TIAM1: variants seen among roughly 807,000 people sequenced by gnomAD.
The protein encoded by TIAM1 is TIAM Rac1 associated GEF 1.
TIAM1 carries 65 observed loss-of-function variants against 163.5 expected under a neutral mutation model. That is an observed-to-expected ratio of 0.40 (90% CI 0.33 to 0.49). The LOEUF is 0.49. Ranked by LOEUF, TIAM1 falls within the 20% of genes least tolerant of loss-of-function variation. The pLI is 0.77. For synonymous variants in TIAM1, 833 were observed against 810.1 expected (o/e 1.03, Z -0.48); for missense variants, 1,789 against 2,044.7 (o/e 0.87, Z 2.41).
chr21:31,144,336 T>C (rs1419075244), intron 20 of TIAM1, among the ~76,000 whole-genome samples: 1 of 152,214 alleles, frequency 6.6e-6, no homozygotes, highest in Non-Finnish European at 1.5e-5. Flanking sequence ...CAAAATATTC[T>C]CGTCCAAAAA....
chr21:31,542,691 T>C (rs2048359782), intron 1 of TIAM1, among the ~76,000 whole-genome samples: 1 of 151,780 alleles, frequency 6.6e-6, no homozygotes, highest in African/African-American at 2.4e-5. Flanking sequence ...AGGTCCACGG[T>C]TGGGCACAGT....
intron 15 of TIAM1, among the ~76,000 whole-genome samples, chr21:31,165,290 T>C (rs2084155052): frequency 6.6e-6 from 1 of 152,198 alleles, no homozygotes; most frequent in African/African-American, 2.4e-5. Flanking sequence ...TAATAGTTGT[T>C]GTGGATTGAA....
At position 31,250,799 on chromosome 21, in the gene TIAM1, T is replaced by A. The variant is rs139027757; in HGVS notation, c.1411+943A>T. On this transcript the variant is annotated intron_variant, in intron 5 of 27. Coordinates refer to ENST00000541036, the MANE Select transcript of TIAM1 (RefSeq NM_001353694.2). ...TATTACATTTTCTAGGCTACCAGGA[T>A]GTATGCAGTACGTGCAACAATACGT... 3.7e-4 allele frequency among the ~76,000 whole-genome samples: 56 copies of A among 152,344 alleles called. No homozygotes were observed. The East Asian group carries it at 9.5e-3, about 26-fold the overall frequency.
chr21:31,150,200 T>A (rs906782160), intron 19 of TIAM1, among the ~76,000 whole-genome samples: 2 of 152,268 alleles, frequency 1.3e-5, no homozygotes, highest in Admixed American at 6.5e-5. Context: ...CTATAATATA[T>A]ACATATATAT....
intron 2 of TIAM1, among the ~76,000 whole-genome samples, chr21:31,430,114 G>T (rs1279655852): frequency 3.3e-5 from 5 of 151,518 alleles, no homozygotes; most frequent in Admixed American, 6.6e-5. Context: ...GCTGAGGCAG[G>T]AGAATCGCTT....
intron 1 of TIAM1, among the ~76,000 whole-genome samples, chr21:31,522,519 AAAC>A (rs976543671): frequency 6.6e-6 from 1 of 151,808 alleles, no homozygotes; most frequent in Non-Finnish European, 1.5e-5. Context: ...CCAAAAAAAA[AAAC>A]AAAAACAAAA....
At chr21:31,371,283 G>A (rs1480351848) in intron 2 of TIAM1, among the ~76,000 whole-genome samples, 1 of 152,208 alleles carries the variant, frequency 6.6e-6, no homozygotes, top group Admixed American at 6.5e-5. Context: ...TCAGGCAACA[G>A]GACTGGCTCC....
chr21:31,306,656 G>A (rs1195589226), intron 2 of TIAM1, among the ~76,000 whole-genome samples: 2 of 152,184 alleles, frequency 1.3e-5, no homozygotes, highest in African/African-American at 2.4e-5. Context: ...GGAGTGAATC[G>A]TGAGAAAACA....
chr21:31,375,109 T>C (rs748633902), intron 2 of TIAM1, among the ~76,000 whole-genome samples: 5 of 152,224 alleles, frequency 3.3e-5, no homozygotes, highest in Non-Finnish European at 2.9e-5. Flanking sequence ...ATATACCCAC[T>C]TTTGAACTCT....
At chr21:31,449,905 G>C (rs1203501816) in intron 2 of TIAM1, among the ~76,000 whole-genome samples, 1 of 152,168 alleles carries the variant, frequency 6.6e-6, no homozygotes, top group Non-Finnish European at 1.5e-5. Context: ...AACTGAATTA[G>C]GCAGAAAAGC....
chr21:31,275,030 G>A (rs960283332), intron 3 of TIAM1, among the ~76,000 whole-genome samples: 2 of 151,602 alleles, frequency 1.3e-5, no homozygotes, highest in Non-Finnish European at 2.9e-5. Context: ...GCTGAGGCAC[G>A]AGAATCTCTT....
Position 31,124,620 on chromosome 21 carries a change from A to G in TIAM1, c.4208T>C (p.Leu1403Pro). 1 of 1,613,862 alleles carries G rather than the reference A, an allele frequency of 6.2e-7. No individual in the cohort carries two copies. Among genetic ancestry groups the G allele is most frequent in the Admixed American group, 1.7e-5 (1 of 60,008 alleles). Residue 1403 changes from leucine (L) to proline (P), a missense_variant, in exon 27 of 28, where the codon CTC (leucine) becomes CCC (proline). Leu to Pro is a moderately conservative substitution (Grantham distance 98). Transcript: ENST00000541036. ...GGATGAGGGAAGGCTCTCGGTTTTG[A>G]GGAGCTGTCTTCTGTGCTTATCACG... ...ILRDKHRRQL[L>P]KTESLPSSQQ...
intron 3 of TIAM1, among the ~76,000 whole-genome samples, chr21:31,270,766 T>C (rs1165397712): frequency 3.9e-5 from 6 of 152,204 alleles, no homozygotes; most frequent in Non-Finnish European, 8.8e-5. Flanking sequence ...TGTTAGTGTA[T>C]CTTATGTGTG....
intron 6 of TIAM1, among the ~76,000 whole-genome samples, chr21:31,233,190 A>G (rs1601643715): frequency 1.3e-5 from 2 of 152,330 alleles, no homozygotes; most frequent in South Asian, 4.1e-4. Context: ...CTAGGAAACT[A>G]AAATTTGAGA....
chr21:31,552,645 GCGCC>G (rs2048732185), intron 1 of TIAM1, among the ~76,000 whole-genome samples: 1 of 152,062 alleles, frequency 6.6e-6, no homozygotes, highest in Admixed American at 6.6e-5. Context: ...ATGGTGGTAG[GCGCC>G]TGTACAGCTA....
At chr21:31,320,437 A>G (rs545221273) in intron 2 of TIAM1, among the ~76,000 whole-genome samples, 5 of 152,340 alleles carry the variant, frequency 3.3e-5, no homozygotes, top group Admixed American at 1.3e-4. Flanking sequence ...AAATTTTATT[A>G]TAGATATTTT....
At position 31,141,791 on chromosome 21, in the gene TIAM1, C is replaced by T. The variant is rs1251098469; in HGVS notation, c.3476-287G>A. Among the ~76,000 whole-genome samples the T allele has an allele frequency of 6.6e-6, 1 of 152,072 alleles. No individual in the cohort carries two copies. The highest frequency in any genetic ancestry group is 1.5e-5 in the Non-Finnish European group (1 of 68,010). The stretch of plus-strand genomic sequence containing the variant: ...ATTTCCAGCGGCTGCTCTTTATCCT[C>T]CTCCTATTACACATGTTTTTTTATC... On this transcript the variant is annotated intron_variant, in intron 20 of 27. Transcript: ENST00000541036. This position sits in a 1 kb window ranked among gnomAD's most constrained non-coding sequence, Gnocchi z 4.7.
intron 2 of TIAM1, among the ~76,000 whole-genome samples, chr21:31,284,637 A>G (rs915778307): frequency 2.6e-5 from 4 of 151,546 alleles, no homozygotes; most frequent in African/African-American, 7.3e-5. Context: ...TCTTGCCTCA[A>G]CCTCCCGAGT....
intron 4 of TIAM1, among the ~76,000 whole-genome samples, chr21:31,252,764 G>A (rs575258146): frequency 2.7e-4 from 41 of 152,330 alleles, no homozygotes; most frequent in South Asian, 1.0e-3. Flanking sequence ...GCACGGCTCC[G>A]TGTTCCAGGA....
Sources: allele counts gnomAD v4.1 joint callset (sites outside exome capture counted in the v4.1 genomes callset), GRCh38; gene constraint gnomAD v4.1.1; non-coding constraint Gnocchi (gnomAD v3.1); transcripts MANE v1.5; gene names NCBI Gene and HGNC (gene_info 2026-07-23, HGNC 2026-07-21).